The following ACOT7 variants were observed in gnomAD, a reference collection of about 807,000 sequenced individuals.
ACOT7 encodes cytosolic acyl coenzyme A thioester hydrolase.
Under a neutral mutation model 40.2 loss-of-function variants are expected in ACOT7, and 12 were observed. The observed-to-expected ratio is 0.30, with a 90% confidence interval of 0.19 to 0.48. The LOEUF (loss-of-function observed/expected upper bound fraction) is 0.48. Ranked by LOEUF, ACOT7 falls within the 20% of genes least tolerant of loss-of-function variation. The pLI, the probability that ACOT7 is intolerant of heterozygous loss-of-function variation, is 0.99. For missense variants in ACOT7, 395 were observed against 530.8 expected (o/e 0.74, Z 2.51); for synonymous variants, 228 against 219.5 (o/e 1.04, Z -0.34).
intron 3 of ACOT7, among the ~76,000 whole-genome samples, chr1:6,335,771 C>T (rs924859266): frequency 3.3e-5 from 5 of 152,240 alleles, no homozygotes; most frequent in African/African-American, 1.2e-4. Flanking sequence ...GCACAGAACA[C>T]ACCTTGGGAA....
At chr1:6,350,578 T>C (rs1462810591) in intron 1 of ACOT7, among the ~76,000 whole-genome samples, 1 of 152,250 alleles carries the variant, frequency 6.6e-6, no homozygotes, top group Non-Finnish European at 1.5e-5. Flanking sequence ...ACAAGCCAGC[T>C]TGGCAGTCCT....
chr1:6,314,779 C>T (rs1640435651), intron 6 of ACOT7, among the ~76,000 whole-genome samples: 1 of 152,152 alleles, frequency 6.6e-6, no homozygotes, highest in Non-Finnish European at 1.5e-5. Context: ...ACCAACCCTC[C>T]TCCCGCATGG....
chr1:6,337,340 C>T (rs1641133879), intron 3 of ACOT7, among the ~76,000 whole-genome samples: 1 of 152,272 alleles, frequency 6.6e-6, no homozygotes, highest in African/African-American at 2.4e-5. Context: ...CTCCCCCTCT[C>T]AGCCCCTAAA....
chr1:6,303,150 C>T (rs1197343572), intron 6 of ACOT7, among the ~76,000 whole-genome samples: 1 of 152,108 alleles, frequency 6.6e-6, no homozygotes, highest in Non-Finnish European at 1.5e-5. Context: ...TACTGAAAAG[C>T]CTCATCAATT....
chr1:6,385,158 G>A (rs1231471753), intron 1 of ACOT7, among the ~76,000 whole-genome samples: 4 of 151,858 alleles, frequency 2.6e-5, no homozygotes, highest in African/African-American at 4.8e-5. Context: ...AGCAGGGCAC[G>A]GATGCCAGCT....
intron 3 of ACOT7, 70 bp downstream of exon 3, chr1:6,339,363 C>G (rs1226985154): frequency 1.9e-6 from 3 of 1,605,200 alleles, no homozygotes; most frequent in Non-Finnish European, 2.5e-6. Flanking sequence ...GTCCTCTGCC[C>G]TCAGGAGGGA....
At chr1:6,393,146 G>T in intron 1 of ACOT7, 111 bp downstream of exon 1, 1 of 1,136,494 alleles carries the variant, frequency 8.8e-7, no homozygotes, top group Non-Finnish European at 1.1e-6. Context: ...GCGGGGAATC[G>T]GCGGGCGGGG....
At chr1:6,379,412 A>C (rs1019399534) in intron 1 of ACOT7, among the ~76,000 whole-genome samples, 23 of 151,922 alleles carry the variant, frequency 1.5e-4, no homozygotes, top group Non-Finnish European at 2.8e-4. Flanking sequence ...ACACATAACA[A>C]TTAACTCAAG....
chr1:6,363,772 G>A (rs1002297483), intron 1 of ACOT7, among the ~76,000 whole-genome samples: 1 of 151,928 alleles, frequency 6.6e-6, no homozygotes, highest in South Asian at 2.1e-4. Flanking sequence ...CCAGGCATTC[G>A]GGGACACTAC....
At chr1:6,313,923 A>G (rs1557645909) in intron 6 of ACOT7, among the ~76,000 whole-genome samples, 1 of 152,204 alleles carries the variant, frequency 6.6e-6, no homozygotes, top group Non-Finnish European at 1.5e-5. Flanking sequence ...ACTGGAGGAC[A>G]TGTTCCACCA....
At chr1:6,272,402 G>A (rs1571257829) in intron 8 of ACOT7, among the ~76,000 whole-genome samples, 1 of 152,340 alleles carries the variant, frequency 6.6e-6, no homozygotes, top group Middle Eastern at 3.4e-3. Context: ...TCAGACCATG[G>A]AGGGTCTGAA....
In ACOT7 at chr1:6,390,922, C is replaced by T. The variant is rs552953749; in HGVS notation, c.143+2335G>A. On this transcript the variant is annotated intron_variant, in intron 1 of 8. Coordinates refer to ENST00000361521, the MANE Select transcript of ACOT7 (RefSeq NM_007274.4). ...TTGCATTCCAGTCTGGGTGACAGAGCGAGACTGTCTCAAAAACAAACAAAC... is the reference window on the plus strand; with the variant it reads ...TTGCATTCCAGTCTGGGTGACAGAGTGAGACTGTCTCAAAAACAAACAAAC... Among the ~76,000 whole-genome samples, 5 of 151,700 alleles carry T rather than the reference C, an allele frequency of 3.3e-5. No individual in the cohort carries two copies. In the East Asian group the frequency reaches 5.8e-4, roughly 18 times the overall value.
chr1:6,323,737 A>AATAT (rs57302929), intron 5 of ACOT7, among the ~76,000 whole-genome samples: 2,568 of 38,358 alleles, frequency 0.067, 146 homozygotes, highest in Non-Finnish European at 0.098. Flanking sequence ...AAAAAAAAAA[A>AATAT]ATATATATAT....
chr1:6,374,562 G>A (rs918040273), intron 1 of ACOT7, among the ~76,000 whole-genome samples: 1 of 152,138 alleles, frequency 6.6e-6, no homozygotes, highest in Non-Finnish European at 1.5e-5. Flanking sequence ...AACCTGCCAC[G>A]CACCACCTGC....
intron 4 of ACOT7, 82 bp downstream of exon 4, chr1:6,333,394 GC>G: frequency 6.7e-7 from 1 of 1,500,736 alleles, no homozygotes; most frequent in South Asian, 1.2e-5. Flanking sequence ...GAGACCCTTA[GC>G]TGAACGAGCC....
intron 2 of ACOT7, among the ~76,000 whole-genome samples, chr1:6,341,007 G>A (rs542368568): frequency 6.6e-6 from 1 of 151,870 alleles, no homozygotes; most frequent in South Asian, 2.1e-4. Flanking sequence ...CTGCACTCCA[G>A]CCTGGGTGAC....
Position 6,275,330 on chromosome 1 carries a change from C to G in ACOT7, c.1014+5772G>C, listed in dbSNP as rs567151059. ...GAGCCCAAGGGTCTCAGGGCCTCTT[C>G]TAGGTCGGGGCACGTCAGAGCGGAC... On this transcript the variant is annotated intron_variant, in intron 8 of 8. Transcript: ENST00000361521. The surrounding 1 kb of genome is among the most constrained non-coding windows in gnomAD (Gnocchi z 5.6). 2.0e-5 allele frequency among the ~76,000 whole-genome samples: 3 copies of G among 152,308 alleles called. No individual in the cohort carries two copies. The South Asian group carries it at 6.2e-4, about 32-fold the overall frequency.
chr1:6,272,610 G>A (rs1373643010), intron 8 of ACOT7, among the ~76,000 whole-genome samples: 3 of 152,164 alleles, frequency 2.0e-5, no homozygotes, highest in African/African-American at 7.2e-5. Flanking sequence ...ACCTTTGCTT[G>A]CAGGGCTCAA....
At chr1:6,391,517 A>G (rs970183371) in intron 1 of ACOT7, among the ~76,000 whole-genome samples, 1 of 152,168 alleles carries the variant, frequency 6.6e-6, no homozygotes, top group Non-Finnish European at 1.5e-5. Context: ...AAAAACAAAA[A>G]ATCTAGTAAC....
Sources: allele counts gnomAD v4.1 joint callset (sites outside exome capture counted in the v4.1 genomes callset), GRCh38; gene constraint gnomAD v4.1.1; non-coding constraint Gnocchi (gnomAD v3.1); transcripts MANE v1.5; gene names NCBI Gene and HGNC (gene_info 2026-07-23, HGNC 2026-07-21).